Variants in ME2 observed in about 807,000 individuals in gnomAD.
ME2 encodes NAD-dependent malic enzyme, mitochondrial.
A neutral mutation model predicts 73.7 loss-of-function variants in ME2; 60 were observed. That is an observed-to-expected ratio of 0.81 (90% CI 0.66 to 1.01). ME2 has a LOEUF of 1.01. ME2 is among the 50% of genes least tolerant of loss of function. The pLI, the probability that ME2 is intolerant of heterozygous loss-of-function variation, is 0.00. For synonymous variants in ME2, 199 were observed against 236.9 expected (o/e 0.84, Z 1.47); for missense variants, 594 against 705.5 (o/e 0.84, Z 1.79).
Position 50,918,517 on chromosome 18 carries a change from C to G in ME2, c.734+304C>G, listed in dbSNP as rs4940028. Among the ~76,000 whole-genome samples, 653 of 152,250 alleles carry G rather than the reference C, an allele frequency of 4.3e-3. 10 individuals are homozygous for G. In the East Asian group the frequency reaches 0.064, roughly 15 times the overall value. ...TTCAGCCTTGACCTTCAGGCTCACGCCCACCATTCCACTGAAGCTCTTGTG... is the reference window on the plus strand; with the variant it reads ...TTCAGCCTTGACCTTCAGGCTCACGGCCACCATTCCACTGAAGCTCTTGTG... On this transcript the variant is annotated intron_variant, in intron 7 of 15. Transcript: ENST00000321341.
intron 1 of ME2, among the ~76,000 whole-genome samples, chr18:50,884,597 C>T (rs879819501): frequency 9.9e-5 from 15 of 152,180 alleles, no homozygotes; most frequent in Admixed American, 7.2e-4. Flanking sequence ...CCACCTGCCT[C>T]GGCCTCCCAA....
intron 1 of ME2, among the ~76,000 whole-genome samples, chr18:50,892,182 T>A (rs1420513933): frequency 1.3e-5 from 2 of 152,314 alleles, no homozygotes; most frequent in African/African-American, 4.8e-5. Context: ...CTTTAATCTG[T>A]TTGAAAGGTT....
intron 13 of ME2, among the ~76,000 whole-genome samples, chr18:50,938,196 T>C (rs1917859846): frequency 6.6e-6 from 1 of 152,036 alleles, no homozygotes; most frequent in Admixed American, 6.6e-5. Context: ...GGTGCGATGG[T>C]ACATGCCTGT....
chr18:50,900,947 G>A lies in ME2; in HGVS notation c.108+5019G>A, dbSNP rs556072158. Among the ~76,000 whole-genome samples, 6 of 152,088 alleles carry A rather than the reference G, an allele frequency of 3.9e-5. 1 individual carries two copies. Among genetic ancestry groups the A allele is most frequent in the Non-Finnish European group, 7.4e-5 (5 of 68,024 alleles). Reference sequence around the variant, plus strand: ...ATAAATTACTCAGTCTTGGTATTTCGTCATAGCAGCATGAGAATGGGCTAA... The same window carrying A: ...ATAAATTACTCAGTCTTGGTATTTCATCATAGCAGCATGAGAATGGGCTAA... On this transcript the variant is annotated intron_variant, in intron 2 of 15. Coordinates refer to ENST00000321341, the MANE Select transcript of ME2 (RefSeq NM_002396.5).
At chr18:50,935,965 C>T (rs1267075448) in intron 13 of ME2, among the ~76,000 whole-genome samples, 1 of 151,600 alleles carries the variant, frequency 6.6e-6, no homozygotes, top group Non-Finnish European at 1.5e-5. Flanking sequence ...CAACATGTGC[C>T]GGCCTCATGG....
In ME2 at chr18:50,947,389, T is replaced by C; in HGVS notation, c.*205T>C. 3.6e-6 allele frequency: 2 copies of C among 548,994 alleles called. No homozygotes were observed. Among genetic ancestry groups the C allele is most frequent in the Non-Finnish European group, 3.2e-6 (1 of 309,532 alleles). The allele number at this position is 548,994 out of a possible 1,614,324, so 34.0% of individuals were successfully genotyped here. Reference sequence around the variant, plus strand: ...TGCCCACCAGCACCCTACAGTCAGATAGTTGTGATGCTTTAATTCTAACAT... The same window carrying C: ...TGCCCACCAGCACCCTACAGTCAGACAGTTGTGATGCTTTAATTCTAACAT... On this transcript the variant is annotated 3_prime_UTR_variant, in exon 16 of 16. Transcript: ENST00000321341.
At chr18:50,904,213 T>G (rs891763071) in intron 2 of ME2, among the ~76,000 whole-genome samples, 3 of 152,262 alleles carry the variant, frequency 2.0e-5, no homozygotes, top group Non-Finnish European at 4.4e-5. Flanking sequence ...TTTTCCATCC[T>G]TTTACTTTCC....
chr18:50,939,755 G>A, intron 14 of ME2, 115 bp downstream of exon 14: 1 of 660,240 alleles, frequency 1.5e-6, no homozygotes, highest in Non-Finnish European at 2.5e-6. Flanking sequence ...TGAAAAGGAA[G>A]TTACTCAAAT....
At chr18:50,932,414 C>A in intron 13 of ME2, 54 bp downstream of exon 13, 1 of 1,398,568 alleles carries the variant, frequency 7.2e-7, no homozygotes, top group Non-Finnish European at 1.0e-6. Context: ...TGTAAAAATA[C>A]TTAATGGAAT....
chr18:50,940,179 G>T, intron 14 of ME2, 109 bp from the exon 15 acceptor site: 1 of 752,406 alleles, frequency 1.3e-6, no homozygotes, highest in South Asian at 1.6e-5. Flanking sequence ...GAAATAAGAG[G>T]AATTATATTA....
chr18:50,945,781 A>T (rs1918067129), intron 15 of ME2, among the ~76,000 whole-genome samples: 1 of 152,134 alleles, frequency 6.6e-6, no homozygotes, highest in Non-Finnish European at 1.5e-5. Flanking sequence ...GTTAAAATAA[A>T]ACCTGCCGGG....
intron 3 of ME2, among the ~76,000 whole-genome samples, chr18:50,911,558 G>C (rs907485729): frequency 6.6e-6 from 1 of 152,172 alleles, no homozygotes; most frequent in Admixed American, 6.5e-5. Flanking sequence ...AGTCTAAAGC[G>C]TGTATGTATA....
intron 15 of ME2, chr18:50,942,598 C>T (rs1156931126): frequency 8.3e-6 from 2 of 240,736 alleles, no homozygotes; most frequent in African/African-American, 4.4e-5. Context: ...AAAAGTGTTT[C>T]AGTATAATTT....
At chr18:50,912,079 A>G (rs1917171362) in intron 3 of ME2, among the ~76,000 whole-genome samples, 1 of 152,148 alleles carries the variant, frequency 6.6e-6, no homozygotes, top group Admixed American at 6.5e-5. Context: ...TAGGAGAGGA[A>G]TAAATCAAGA....
intron 12 of ME2, among the ~76,000 whole-genome samples, chr18:50,928,854 C>G (rs1917625550): frequency 1.3e-5 from 2 of 152,102 alleles, no homozygotes; most frequent in South Asian, 4.1e-4. Flanking sequence ...TGTTCAGGGT[C>G]TCAGTCACAG....
chr18:50,907,635 A>G (rs562793253), intron 2 of ME2, among the ~76,000 whole-genome samples: 1 of 152,316 alleles, frequency 6.6e-6, no homozygotes, highest in Admixed American at 6.5e-5. Flanking sequence ...TGAATATACC[A>G]TAGGATGCTT....
chr18:50,886,209 CTA>C (rs2144180635), intron 1 of ME2, among the ~76,000 whole-genome samples: 1 of 148,346 alleles, frequency 6.7e-6, no homozygotes, highest in South Asian at 2.1e-4. Flanking sequence ...AGGTATGTGT[CTA>C]TTTTTTAATT....
intron 2 of ME2, among the ~76,000 whole-genome samples, chr18:50,905,106 CCT>C (rs956999939): frequency 7.9e-5 from 12 of 152,078 alleles, no homozygotes; most frequent in Non-Finnish European, 1.5e-4. Context: ...CCTGCCTCAG[CCT>C]CTCGAGTAGC....
intron 7 of ME2, among the ~76,000 whole-genome samples, chr18:50,919,421 C>CTT (rs1266159343): frequency 6.6e-6 from 1 of 152,154 alleles, no homozygotes. Flanking sequence ...TAAAGCTGAA[C>CTT]TTTACATCTT....
Sources: allele counts gnomAD v4.1 joint callset (sites outside exome capture counted in the v4.1 genomes callset), GRCh38; gene constraint gnomAD v4.1.1; transcripts MANE v1.5; gene names NCBI Gene and HGNC (gene_info 2026-07-23, HGNC 2026-07-21).